Variants in SPAG16 observed in about 807,000 individuals in gnomAD.
The protein encoded by SPAG16 is sperm associated antigen 16.
In SPAG16, 86 loss-of-function variants were observed where a neutral mutation model predicts 80.4. The observed-to-expected ratio is 1.07, with a 90% CI of 0.90 to 1.28. SPAG16 has a LOEUF of 1.28. SPAG16 is among the 50% of genes most tolerant of loss of function. The probability of loss-of-function intolerance (pLI) is 0.00; values close to 1 mark genes in which losing one functional copy is unlikely to be tolerated. For missense variants in SPAG16, 870 were observed against 765.3 expected, an observed-to-expected ratio of 1.14 and a Z score of -1.61; for synonymous variants, 294 against 265.9, an observed-to-expected ratio of 1.11 and a Z score of -1.03.
intron 10 of SPAG16, among the ~76,000 whole-genome samples, chr2:213,669,252 C>G (rs2063728407): frequency 6.6e-6 from 1 of 152,154 alleles, no homozygotes; most frequent in Admixed American, 6.5e-5. Context: ...TTTAGGAAAA[C>G]TGTGACTCAT....
intron 15 of SPAG16, among the ~76,000 whole-genome samples, chr2:214,195,019 C>G (rs528061287): frequency 2.0e-5 from 3 of 151,822 alleles, no homozygotes; most frequent in African/African-American, 4.8e-5. Flanking sequence ...ACAGTAGATA[C>G]AAAAATAATT....
chr2:213,678,248 C>A (rs6435785), intron 10 of SPAG16, among the ~76,000 whole-genome samples: 85 of 151,850 alleles, frequency 5.6e-4, no homozygotes, highest in African/African-American at 1.8e-3. Context: ...AGCCAGCAGA[C>A]GGCAAGAAAT....
rs200920860 is a variant in SPAG16 at position 213,284,600 on chromosome 2, G to A, written c.117G>A (p.Glu39=). Residue 39 remains glutamate (E), a synonymous_variant, in exon 1 of 16, where the codon GAG becomes GAA. Transcript: ENST00000331683. Reference sequence around the variant, plus strand: ...ACACGGCGGACGCGGTGGCGGCTGAGGGCGCCTACTACCTGGAACGTATCC... The same window carrying A: ...ACACGGCGGACGCGGTGGCGGCTGAAGGCGCCTACTACCTGGAACGTATCC... ...ARDTADAVAA[E]GAYYLEQVTI... 1.9e-6 allele frequency: 3 copies of A among 1,609,366 alleles called. No individual in the cohort carries two copies. In the East Asian group the frequency reaches 6.7e-5, roughly 36 times the overall value.
At chr2:214,039,176 C>T (rs1372303252) in intron 13 of SPAG16, among the ~76,000 whole-genome samples, 1 of 152,150 alleles carries the variant, frequency 6.6e-6, no homozygotes, top group Admixed American at 6.5e-5. Context: ...AAAAGTGTTC[C>T]TATTTCTCCA....
At chr2:213,978,475 C>A (rs1292578651) in intron 12 of SPAG16, among the ~76,000 whole-genome samples, 1 of 152,110 alleles carries the variant, frequency 6.6e-6, no homozygotes, top group Non-Finnish European at 1.5e-5. Context: ...TTCTTAAAAC[C>A]CTTCTACCTA....
intron 15 of SPAG16, among the ~76,000 whole-genome samples, chr2:214,277,673 T>C (rs796419348): frequency 3.4e-4 from 52 of 152,312 alleles, no homozygotes; most frequent in African/African-American, 1.2e-3. Context: ...ATCCTTCTTC[T>C]GGAAGCTTCA....
At chr2:213,982,921 A>G (rs1039299502) in intron 12 of SPAG16, among the ~76,000 whole-genome samples, 1 of 152,024 alleles carries the variant, frequency 6.6e-6, no homozygotes, top group African/African-American at 2.4e-5. Flanking sequence ...ATTTTAATAA[A>G]TGTTACAATT....
intron 14 of SPAG16, among the ~76,000 whole-genome samples, chr2:214,114,547 G>T (rs2053836522): frequency 6.6e-6 from 1 of 152,158 alleles, no homozygotes; most frequent in Non-Finnish European, 1.5e-5. Flanking sequence ...CCTCACAGTT[G>T]GATCTCAGAC....
chr2:213,854,449 C>A (rs937679613), intron 10 of SPAG16, among the ~76,000 whole-genome samples: 11 of 151,994 alleles, frequency 7.2e-5, no homozygotes, highest in Middle Eastern at 3.2e-3. Flanking sequence ...GTATTTTTAC[C>A]CTGTTTTCAC....
At chr2:213,696,687 G>C (rs1559384148) in intron 10 of SPAG16, among the ~76,000 whole-genome samples, 7 of 152,280 alleles carry the variant, frequency 4.6e-5, no homozygotes, top group South Asian at 2.1e-4. Flanking sequence ...CAACTGTTTA[G>C]CTGAGAAACT....
intron 10 of SPAG16, among the ~76,000 whole-genome samples, chr2:213,520,041 A>T (rs1361107631): frequency 6.6e-6 from 1 of 151,280 alleles, no homozygotes; most frequent in African/African-American, 2.4e-5. Flanking sequence ...ACACACACAC[A>T]CGAGAGAGAG....
intron 10 of SPAG16, among the ~76,000 whole-genome samples, chr2:213,632,040 G>A (rs1031323374): frequency 2.6e-5 from 4 of 151,996 alleles, no homozygotes; most frequent in Non-Finnish European, 5.9e-5. Context: ...TATTTTCGTA[G>A]GGATTGCATT....
intron 15 of SPAG16, among the ~76,000 whole-genome samples, chr2:214,333,959 G>A (rs1697106996): frequency 6.6e-6 from 1 of 152,194 alleles, no homozygotes; most frequent in Admixed American, 6.5e-5. Context: ...AATCCTAGTA[G>A]TATATTATTC....
intron 15 of SPAG16, among the ~76,000 whole-genome samples, chr2:214,175,223 GTATATATATATATAAAGAAATGTA>G (rs2057030978): frequency 9.1e-6 from 1 of 110,352 alleles, no homozygotes; most frequent in African/African-American, 2.7e-5. Flanking sequence ...AGAAATGTGT[GTATATATATATATAAAGAAATGTA>G]TATATATATA....
intron 10 of SPAG16, among the ~76,000 whole-genome samples, chr2:213,637,392 T>G (rs773179661): frequency 7.9e-5 from 12 of 152,240 alleles, no homozygotes; most frequent in Non-Finnish European, 1.6e-4. Flanking sequence ...CATATTGGTC[T>G]GTAGTTTTCT....
At position 213,417,575 on chromosome 2, in the gene SPAG16, A is replaced by G. The variant is rs181104889; in HGVS notation, c.942+42456A>G. Among the ~76,000 whole-genome samples, 3 of 152,318 alleles carry G rather than the reference A, an allele frequency of 2.0e-5. No individual in the cohort carries two copies. In the East Asian group the frequency reaches 5.8e-4, roughly 29 times the overall value. ...TTCCTGCTGATTTCAGTGTAAATTA[A>G]TTTTGGTAAACCTTAACAGTTTCTC... On this transcript the variant is annotated intron_variant, in intron 9 of 15. Transcript: ENST00000331683.
chr2:213,528,777 A>G (rs1266458574), intron 10 of SPAG16, among the ~76,000 whole-genome samples: 1 of 152,180 alleles, frequency 6.6e-6, no homozygotes, highest in Non-Finnish European at 1.5e-5. Context: ...ATAGCTGATC[A>G]GACAAAAAAA....
intron 13 of SPAG16, among the ~76,000 whole-genome samples, chr2:214,082,570 T>TG (rs779338683): frequency 4.7e-4 from 71 of 152,302 alleles, no homozygotes; most frequent in Non-Finnish European, 8.8e-4. Flanking sequence ...GCATGACCCA[T>TG]TCATCACTGT....
At chr2:214,099,560 G>A (rs1205324727) in intron 13 of SPAG16, among the ~76,000 whole-genome samples, 1 of 151,932 alleles carries the variant, frequency 6.6e-6, no homozygotes, top group Non-Finnish European at 1.5e-5. Context: ...TATATATTAT[G>A]GTTTCATTTA....
Sources: gnomAD v4.1 joint callset for allele counts (sites outside exome capture counted in the v4.1 genomes callset) on GRCh38, gnomAD v4.1.1 for gene constraint, MANE v1.5 for transcripts, NCBI Gene and HGNC (gene_info 2026-07-23, HGNC 2026-07-21) for gene names.